The following PTPN12 variants were observed in gnomAD, a reference collection of about 807,000 sequenced individuals.
The protein encoded by PTPN12 is protein tyrosine phosphatase non-receptor type 12, also known as tyrosine-protein phosphatase non-receptor type 12.
In PTPN12, 29 loss-of-function variants were observed where a neutral mutation model predicts 97.6. The ratio of observed to expected loss-of-function variants is 0.30; its 90% confidence interval spans 0.22 to 0.41. The LOEUF (loss-of-function observed/expected upper bound fraction) is 0.41, where lower values mean the gene tolerates loss of function less well. Ranked by LOEUF, PTPN12 falls within the 10% of genes least tolerant of loss-of-function variation. The pLI is 1.00. For missense variants in PTPN12, 819 were observed against 926.0 expected (o/e 0.88, Z 1.50); for synonymous variants, 327 against 300.4 (o/e 1.09, Z -0.91).
rs777657410 is a variant in PTPN12, at chr7:77,583,650, G to GATCATT, written c.381_381+1insATCATT (p.Ile128_Ile129dup). On this transcript the variant is annotated inframe_insertion and splice_region_variant. Transcript: ENST00000248594. Reference sequence around the variant, plus strand: ...GGATGATATGGGAGTATAATGTTGTGGTAAGTAATTTACTTTTCACAATAA... The same window carrying GATCATT: ...GGATGATATGGGAGTATAATGTTGTGATCATTGTAAGTAATTTACTTTTCACAATAA... 6.4e-7 allele frequency: 1 copy of GATCATT among 1,551,230 alleles called. No homozygotes were observed. The highest frequency in any genetic ancestry group is 2.3e-5 in the East Asian group (1 of 44,144).
At chr7:77,613,110 G>A (rs1788625323) in intron 11 of PTPN12, among the ~76,000 whole-genome samples, 2 of 147,940 alleles carry the variant, frequency 1.4e-5, no homozygotes, top group South Asian at 4.3e-4. Flanking sequence ...TCTAAGTTGA[G>A]ATATTTAATA....
At chr7:77,611,913 C>T (rs1254867693) in intron 11 of PTPN12, among the ~76,000 whole-genome samples, 2 of 151,858 alleles carry the variant, frequency 1.3e-5, no homozygotes, top group African/African-American at 4.8e-5. Context: ...TCATTTCTGC[C>T]TTTGTTTTCT....
intron 13 of PTPN12, among the ~76,000 whole-genome samples, chr7:77,630,656 C>T (rs1330118104): frequency 6.6e-6 from 1 of 152,104 alleles, no homozygotes; most frequent in African/African-American, 2.4e-5. Context: ...TAGTGCATGA[C>T]TATAATGGAA....
At chr7:77,557,937 G>A (rs1414362899) in intron 1 of PTPN12, among the ~76,000 whole-genome samples, 1 of 152,082 alleles carries the variant, frequency 6.6e-6, no homozygotes, top group African/African-American at 2.4e-5. Flanking sequence ...GCGGCCGGGC[G>A]TGGTGGCTCA....
At chr7:77,614,282 CAA>C (rs1156447693) in intron 11 of PTPN12, among the ~76,000 whole-genome samples, 2 of 152,112 alleles carry the variant, frequency 1.3e-5, no homozygotes, top group Non-Finnish European at 2.9e-5. Flanking sequence ...CTAATTAGAT[CAA>C]AGTCTGATCT....
chr7:77,631,295 G>A (rs957969206), intron 13 of PTPN12, among the ~76,000 whole-genome samples: 7 of 152,094 alleles, frequency 4.6e-5, no homozygotes, highest in African/African-American at 1.7e-4. Flanking sequence ...ATTTTCTTGC[G>A]TCTCCAGCTA....
chr7:77,573,461 A>C (rs1176282293), intron 2 of PTPN12, among the ~76,000 whole-genome samples: 1 of 152,166 alleles, frequency 6.6e-6, no homozygotes, highest in Middle Eastern at 3.2e-3. Context: ...AAAAGCTGGT[A>C]ATCCCATTCA....
At chr7:77,629,624 G>A (rs1337922651) in intron 13 of PTPN12, among the ~76,000 whole-genome samples, 1 of 151,866 alleles carries the variant, frequency 6.6e-6, no homozygotes, top group Non-Finnish European at 1.5e-5. Context: ...AAAGATGTAT[G>A]ATGTGATATG....
At chr7:77,537,793 G>C (rs1806728525) in intron 1 of PTPN12, 148 bp downstream of exon 1, 1 of 909,694 alleles carries the variant, frequency 1.1e-6, no homozygotes, top group African/African-American at 1.8e-5. Flanking sequence ...GGTGGTCTCG[G>C]AGGCCAGCGG....
intron 3 of PTPN12, among the ~76,000 whole-genome samples, chr7:77,582,783 C>CA (rs374857749): frequency 0.37 from 36,094 of 98,360 alleles, 4,738 homozygotes; most frequent in Middle Eastern, 0.45. Context: ...GACTCCGTCT[C>CA]AAAAAAAAAA....
At chr7:77,538,508 TG>T (rs1415153953) in intron 1 of PTPN12, among the ~76,000 whole-genome samples, 2 of 152,052 alleles carry the variant, frequency 1.3e-5, no homozygotes, top group African/African-American at 4.8e-5. Flanking sequence ...GCCGAAGCCC[TG>T]AACTGGGAGA....
intron 2 of PTPN12, among the ~76,000 whole-genome samples, chr7:77,572,376 G>A (rs1787173350): frequency 6.6e-6 from 1 of 152,142 alleles, no homozygotes; most frequent in Non-Finnish European, 1.5e-5. Context: ...CTAACAGGAA[G>A]AATATTGATT....
At chr7:77,559,975 T>A (rs1038293255) in intron 1 of PTPN12, among the ~76,000 whole-genome samples, 10 of 152,192 alleles carry the variant, frequency 6.6e-5, no homozygotes, top group Admixed American at 2.6e-4. Context: ...TAGGACATGT[T>A]TTTGGAATAT....
intron 1 of PTPN12, among the ~76,000 whole-genome samples, chr7:77,542,345 A>G (rs1359262605): frequency 2.0e-5 from 3 of 152,148 alleles, no homozygotes; most frequent in African/African-American, 4.8e-5. Context: ...CTGAACCTTC[A>G]CTTACTTAGA....
At chr7:77,636,929 T>G in intron 15 of PTPN12, 89 bp from the exon 16 acceptor site, 3 of 911,612 alleles carry the variant, frequency 3.3e-6, no homozygotes, top group Non-Finnish European at 4.9e-6. Context: ...CTTGATTTCT[T>G]GGGATATATA....
intron 5 of PTPN12, among the ~76,000 whole-genome samples, chr7:77,590,564 T>C (rs533543913): frequency 1.3e-5 from 2 of 151,350 alleles, no homozygotes; most frequent in East Asian, 1.9e-4. Context: ...TAAATCTTTT[T>C]TTTTTTTTTG....
At chr7:77,603,735 C>T (rs1788259758) in intron 8 of PTPN12, among the ~76,000 whole-genome samples, 1 of 152,060 alleles carries the variant, frequency 6.6e-6, no homozygotes, top group African/African-American at 2.4e-5. Flanking sequence ...ATTTGTTGGT[C>T]AAGGACATAA....
intron 1 of PTPN12, among the ~76,000 whole-genome samples, chr7:77,556,281 T>A (rs1807708097): frequency 6.6e-6 from 1 of 152,108 alleles, no homozygotes; most frequent in South Asian, 2.1e-4. Flanking sequence ...CAGGCTGGTC[T>A]CGAACTCCTG....
In PTPN12 at chr7:77,561,614, G is replaced by A. The variant is rs571326673; in HGVS notation, c.100-9464G>A. Among the ~76,000 whole-genome samples, 280 of 152,138 alleles carry A rather than the reference G, an allele frequency of 1.8e-3. 1 individual carries two copies. Among genetic ancestry groups the A allele is most frequent in the African/African-American group, 6.0e-3 (249 of 41,504 alleles). The stretch of plus-strand genomic sequence containing the variant: ...CTCTTCCTGTGCTATATTTGTTTTT[G>A]CAGAGAGAAGTGTGAATTCTGAATC... On this transcript the variant is annotated intron_variant, in intron 1 of 17. Transcript: ENST00000248594.
Sources: gnomAD v4.1 joint callset for allele counts (sites outside exome capture counted in the v4.1 genomes callset) on GRCh38, gnomAD v4.1.1 for gene constraint, MANE v1.5 for transcripts, NCBI Gene and HGNC (gene_info 2026-07-23, HGNC 2026-07-21) for gene names.